The following FSCN3 variants were observed in gnomAD, a reference collection of about 807,000 sequenced individuals.
The protein encoded by FSCN3 is fascin actin-bundling protein 3, also known as fascin-3.
Under a neutral mutation model 53.5 loss-of-function variants are expected in FSCN3, and 43 were observed. The observed-to-expected ratio is 0.80, with a 90% CI of 0.63 to 1.04. The LOEUF (loss-of-function observed/expected upper bound fraction) is 1.04. Ranked by LOEUF, FSCN3 falls within the 50% of genes least tolerant of loss-of-function variation. The pLI is 0.00. For missense variants in FSCN3, 594 were observed against 646.5 expected (o/e 0.92, Z 0.88); for synonymous variants, 235 against 246.6 (o/e 0.95, Z 0.44).
intron 5 of FSCN3, 135 bp from the exon 6 acceptor site, chr7:127,600,059 T>C (rs1375120953): frequency 3.2e-6 from 2 of 622,184 alleles, no homozygotes; most frequent in East Asian, 2.7e-5. Context: ...TGCATTTCCA[T>C]AGAAGGACCC....
chr7:127,599,433 G>T lies in FSCN3; in HGVS notation c.1173G>T (p.Leu391Phe). Residue 391 changes from leucine to phenylalanine, a missense_variant, in exon 5 of 7, where the codon TTG becomes TTT. Physicochemically the swap from Leu to Phe is conservative, Grantham distance 22. Transcript: ENST00000265825. ...ILFANRSFLV[L>F]RGRYGYVGSS... ...TTGCCAATCGCTCCTTCCTTGTATT[G>T]CGAGGTCGTTATGGCTATGTGGGCT... 6.2e-7 allele frequency: 1 copy of T among 1,613,928 alleles called. No homozygotes were observed. Among genetic ancestry groups the T allele is most frequent in the South Asian group, 1.1e-5 (1 of 91,048 alleles).
chr7:127,601,049 C>G (rs1794467257), intron 6 of FSCN3, among the ~76,000 whole-genome samples: 1 of 152,220 alleles, frequency 6.6e-6, no homozygotes, highest in African/African-American at 2.4e-5. Flanking sequence ...GGCTCAAGAG[C>G]TCAGCATGAT....
chr7:127,599,258 G>A (rs1794434329), intron 4 of FSCN3, 123 bp from the exon 5 acceptor site: 2 of 727,108 alleles, frequency 2.8e-6, no homozygotes, highest in Admixed American at 4.2e-5. Context: ...ACACATAGTA[G>A]GTGTTCATTC....
chr7:127,595,144 G>C (rs1326996658), intron 1 of FSCN3, among the ~76,000 whole-genome samples, 163 bp from the exon 2 acceptor site: 1 of 152,166 alleles, frequency 6.6e-6, no homozygotes, highest in Non-Finnish European at 1.5e-5. Context: ...TAGTGGGAAA[G>C]TGGAAGAGCT....
In FSCN3 at chr7:127,599,560, C is replaced by T; in HGVS notation, c.1291+9C>T. 6.2e-7 allele frequency: 1 copy of T among 1,613,008 alleles called. No individual in the cohort carries two copies. Among genetic ancestry groups the T allele is most frequent in the Non-Finnish European group, 8.5e-7 (1 of 1,179,174 alleles). On this transcript the variant is annotated intron_variant, in intron 5 of 6. Transcript: ENST00000265825. Reference sequence around the variant, plus strand: ...TATCTACCACTTCCAGGGTGAGTGGCTCCTCTTCCCTGCCCAAGGGTTCAC... The same window carrying T: ...TATCTACCACTTCCAGGGTGAGTGGTTCCTCTTCCCTGCCCAAGGGTTCAC...
intron 3 of FSCN3, among the ~76,000 whole-genome samples, chr7:127,597,229 G>T (rs1794402556): frequency 6.6e-6 from 1 of 152,116 alleles, no homozygotes. Flanking sequence ...TTTATCTTGG[G>T]TAAATATGTA....
At chr7:127,594,157 A>C (rs1341887263) in intron 1 of FSCN3, among the ~76,000 whole-genome samples, 160 bp downstream of exon 1, 1 of 72,394 alleles carries the variant, frequency 1.4e-5, no homozygotes, top group African/African-American at 6.6e-5. Flanking sequence ...CTGAGTGGCC[A>C]AGCTGTGTGT....
rs537593872 is a variant in FSCN3 at position 127,597,628 on chromosome 7, G to A, written c.961-807G>A. ...CAAGTAGCTGGGACTACAGGCATGC[G>A]CCACCATGCCCAGCTAATTTTTTGT... is the stretch of plus-strand genomic sequence containing the variant. On this transcript the variant is annotated intron_variant, in intron 3 of 6. Transcript: ENST00000265825. 4.6e-5 allele frequency among the ~76,000 whole-genome samples: 7 copies of A among 152,098 alleles called. No homozygotes were observed. The South Asian group carries it at 6.2e-4, about 14-fold the overall frequency.
chr7:127,597,154 G>T (rs1389797988), intron 3 of FSCN3, among the ~76,000 whole-genome samples: 1 of 152,036 alleles, frequency 6.6e-6, no homozygotes, highest in Non-Finnish European at 1.5e-5. Context: ...TTCTAGTCTG[G>T]GCTATTATGA....
At position 127,601,880 on chromosome 7, in the gene FSCN3, A is replaced by G. The variant is rs1179104769; in HGVS notation, c.*258A>G. On this transcript the variant is annotated 3_prime_UTR_variant, in exon 7 of 7. Coordinates refer to ENST00000265825, the MANE Select transcript of FSCN3 (RefSeq NM_020369.3). ...GACACCCCAGGCTGCTCTAAGTTCT[A>G]TACAGGAGAGACCAAATGGCAAGCA... 6.6e-6 allele frequency: 1 copy of G among 152,232 alleles called. No individual in the cohort carries two copies. Among genetic ancestry groups the G allele is most frequent in the Non-Finnish European group, 1.5e-5 (1 of 68,066 alleles). 9.4% of individuals were successfully genotyped at this position (152,232 alleles called of 1,614,324 possible).
chr7:127,595,825 T>G lies in FSCN3; in HGVS notation c.663T>G (p.Pro221=). 1 of 1,613,578 alleles carries G rather than the reference T, an allele frequency of 6.2e-7. No homozygotes were observed. The highest frequency in any genetic ancestry group is 8.5e-7 in the Non-Finnish European group (1 of 1,179,684). ...CAGCTTTTCACATGCAAGTGCGGCC[T>G]GGAGGGCTTGTGGCACTGTGTGATG... is the stretch of plus-strand genomic sequence containing the variant. ...SQTAFHMQVR[P]GGLVALCDGE... Residue 221 remains proline (P), a synonymous_variant, in exon 2 of 7, where the codon CCT becomes CCG. Coordinates refer to ENST00000265825, the MANE Select transcript of FSCN3 (RefSeq NM_020369.3).
At position 127,593,766 on chromosome 7, in the gene FSCN3, G is replaced by A. The variant is rs1466490754; in HGVS notation, c.-88G>A. On this transcript the variant is annotated 5_prime_UTR_variant, in exon 1 of 7. Coordinates refer to ENST00000265825, the MANE Select transcript of FSCN3 (RefSeq NM_020369.3). ...TGGGAACATCTGGTGGGTACTACAG[G>A]CCCTATTCCAGGCCCTATGGCCTGT... is the stretch of plus-strand genomic sequence containing the variant. 7.0e-7 allele frequency: 1 copy of A among 1,437,782 alleles called. No individual in the cohort carries two copies. The highest frequency in any genetic ancestry group is 1.4e-5 in the African/African-American group (1 of 70,584). The allele number at this position is 1,437,782 out of a possible 1,614,324, so 89.1% of individuals were successfully genotyped here. A position where few individuals can be genotyped will look rare whatever the true frequency, so the allele number is the denominator to read the frequency against.
At chr7:127,597,768 G>A (rs1421159039) in intron 3 of FSCN3, among the ~76,000 whole-genome samples, 2 of 152,090 alleles carry the variant, frequency 1.3e-5, no homozygotes, top group East Asian at 1.9e-4. Flanking sequence ...ATGAGCCACC[G>A]TGCCCGTTTT....
At chr7:127,594,077 T>TGC (rs920049715) in intron 1 of FSCN3, 80 bp downstream of exon 1, 3 of 1,484,300 alleles carry the variant, frequency 2.0e-6, no homozygotes, top group Non-Finnish European at 2.7e-6. Flanking sequence ...CGCGTGTGTG[T>TGC]GCGTGAGTGT....
intron 3 of FSCN3, among the ~76,000 whole-genome samples, chr7:127,597,387 G>A (rs1386692831): frequency 1.3e-5 from 2 of 152,092 alleles, no homozygotes; most frequent in Non-Finnish European, 2.9e-5. Flanking sequence ...AGTAAAGCTG[G>A]CTTTTGGATT....
At position 127,595,764 on chromosome 7, in the gene FSCN3, A is replaced by G. The variant is rs1264834111; in HGVS notation, c.602A>G (p.His201Arg). Residue 201 changes from histidine to arginine, a missense_variant, in exon 2 of 7, where the codon CAT (histidine) becomes CGT (arginine). By Grantham distance (29) the His-to-Arg change is conservative. Transcript: ENST00000265825. ...ACCTCTACACACCACTTCTTGTCCC[A>G]TGTAGACCGGCTGTTCTCCCAACCC... is the stretch of plus-strand genomic sequence containing the variant. ...LETSTHHFLS[H>R]VDRLFSQPSS... The G allele has an allele frequency of 3.1e-6, 5 of 1,613,876 alleles. No individual in the cohort carries two copies. The Admixed American group carries it at 6.7e-5, about 22-fold the overall frequency.
At chr7:127,599,760 A>G (rs1487660523) in intron 5 of FSCN3, among the ~76,000 whole-genome samples, 2 of 152,044 alleles carry the variant, frequency 1.3e-5, no homozygotes, top group Non-Finnish European at 2.9e-5. Context: ...CCTGGCTAAC[A>G]CGGTGAAACC....
intron 4 of FSCN3, 38 bp downstream of exon 4, chr7:127,598,632 CAG>C: frequency 6.5e-7 from 1 of 1,541,808 alleles, no homozygotes; most frequent in Non-Finnish European, 8.8e-7. Flanking sequence ...GATTCCAAGT[CAG>C]GGAGAACTTT....
intron 2 of FSCN3, 160 bp downstream of exon 2, chr7:127,596,163 G>C (rs2117428160): frequency 1.0e-6 from 1 of 985,338 alleles, no homozygotes; most frequent in Middle Eastern, 5.2e-4. Context: ...GAAAAGCATG[G>C]GTATGGGATT....
Sources: gnomAD v4.1 joint callset for allele counts (sites outside exome capture counted in the v4.1 genomes callset) on GRCh38, gnomAD v4.1.1 for gene constraint, MANE v1.5 for transcripts, NCBI Gene and HGNC (gene_info 2026-07-23, HGNC 2026-07-21) for gene names.